The following CATSPERT variants were observed in gnomAD, a reference collection of about 807,000 sequenced individuals.
CATSPERT encodes cation channel sperm-associated targeting subunit tau.
chr2:201,588,653 A>G, the CATSPERT span, among the ~76,000 whole-genome samples: 1 of 151,136 alleles, frequency 6.6e-6, no homozygotes, highest in East Asian at 2.0e-4. Flanking sequence ...TTCAAAAACA[A>G]TGGATGTAAA....
the CATSPERT span, among the ~76,000 whole-genome samples, chr2:201,559,267 C>T: frequency 2.0e-5 from 3 of 152,200 alleles, no homozygotes; most frequent in Middle Eastern, 3.2e-3. Context: ...ATGTCCAGGA[C>T]CTGAGAAACA....
the CATSPERT span, among the ~76,000 whole-genome samples, chr2:201,608,059 T>C: frequency 9.8e-5 from 15 of 152,354 alleles, no homozygotes; most frequent in Non-Finnish European, 1.6e-4. Flanking sequence ...ATTTTACATA[T>C]GGTAAGCATT....
At chr2:201,586,067 T>C in the CATSPERT span, among the ~76,000 whole-genome samples, 1 of 152,206 alleles carries the variant, frequency 6.6e-6, no homozygotes, top group African/African-American at 2.4e-5. Context: ...ATGATCCTCT[T>C]CCACTTAATG....
chr2:201,565,972 T>G, the CATSPERT span: 3 of 1,076,668 alleles, frequency 2.8e-6, no homozygotes, highest in East Asian at 8.5e-5. Flanking sequence ...TTTACACTTT[T>G]AGCTCACCTA....
chr2:201,574,348 T>A, the CATSPERT span: 1 of 1,314,610 alleles, frequency 7.6e-7, no homozygotes, highest in Non-Finnish European at 1.0e-6. Context: ...AAAGTGATAT[T>A]TTTACCTTAC....
the CATSPERT span, chr2:201,545,525 AT>A: frequency 4.2e-6 from 6 of 1,417,108 alleles, no homozygotes; most frequent in Non-Finnish European, 5.7e-6. Flanking sequence ...TAATAAAAAA[AT>A]CAAAGTAGTT....
chr2:201,558,943 G>T, the CATSPERT span, among the ~76,000 whole-genome samples: 2 of 152,134 alleles, frequency 1.3e-5, no homozygotes, highest in African/African-American at 4.8e-5. Context: ...CTGCACAGCA[G>T]GGAAACCAAC....
At chr2:201,600,028 C>A in the CATSPERT span, among the ~76,000 whole-genome samples, 1 of 152,114 alleles carries the variant, frequency 6.6e-6, no homozygotes, top group African/African-American at 2.4e-5. Context: ...CACAGTGTGG[C>A]GATTCCTCAA....
At chr2:201,522,318 T>A in the CATSPERT span, among the ~76,000 whole-genome samples, 1 of 152,068 alleles carries the variant, frequency 6.6e-6, no homozygotes, top group Admixed American at 6.6e-5. Context: ...AAATGAAGGA[T>A]ACAATCAACA....
the CATSPERT span, chr2:201,558,116 G>T: frequency 6.6e-6 from 1 of 152,136 alleles, no homozygotes; most frequent in African/African-American, 2.4e-5. Flanking sequence ...ACTGTCTATT[G>T]CATTTGAATT....
the CATSPERT span, among the ~76,000 whole-genome samples, chr2:201,500,537 A>G: frequency 6.6e-6 from 1 of 151,800 alleles, no homozygotes; most frequent in Non-Finnish European, 1.5e-5. Context: ...AAAATAAAAA[A>G]CAAAACAAAA....
chr2:201,615,277 T>C, the CATSPERT span, among the ~76,000 whole-genome samples: 2,553 of 152,224 alleles, frequency 0.017, 67 homozygotes, highest in African/African-American at 0.053. Flanking sequence ...CACATCACAC[T>C]TATTCCAAAA....
At chr2:201,561,654 T>A in the CATSPERT span, among the ~76,000 whole-genome samples, 21 of 152,110 alleles carry the variant, frequency 1.4e-4, no homozygotes, top group African/African-American at 4.1e-4. Flanking sequence ...CGTGGATCAT[T>A]TGAGGTCAGA....
At chr2:201,580,892 G>A in the CATSPERT span, among the ~76,000 whole-genome samples, 1 of 152,134 alleles carries the variant, frequency 6.6e-6, no homozygotes, top group African/African-American at 2.4e-5. Context: ...ACCTCTAAAA[G>A]ACACATGCAC....
chr2:201,551,907 T>TAA, the CATSPERT span, among the ~76,000 whole-genome samples: 10 of 132,718 alleles, frequency 7.5e-5, no homozygotes, highest in African/African-American at 2.5e-4. Context: ...AAACTCCGTC[T>TAA]AAAAAAAAAA....
the CATSPERT span, among the ~76,000 whole-genome samples, chr2:201,514,828 C>G: frequency 6.6e-6 from 1 of 152,218 alleles, no homozygotes; most frequent in African/African-American, 2.4e-5. Flanking sequence ...TCTGCTGAAC[C>G]ATCTGTGAAC....
the CATSPERT span, among the ~76,000 whole-genome samples, chr2:201,523,805 T>C: frequency 2.0e-5 from 3 of 152,152 alleles, no homozygotes; most frequent in Non-Finnish European, 4.4e-5. Flanking sequence ...GGAGACAAAC[T>C]AATCTGGTAG....
At chr2:201,487,851 G>C in the CATSPERT span, 6 of 1,613,700 alleles carry the variant, frequency 3.7e-6, no homozygotes, top group Non-Finnish European at 5.1e-6. Flanking sequence ...ACTTTTTTAA[G>C]GTGTGTAAAT....
At chr2:201,610,101 T>G in the CATSPERT span, among the ~76,000 whole-genome samples, 2 of 152,024 alleles carry the variant, frequency 1.3e-5, no homozygotes, top group Non-Finnish European at 2.9e-5. Context: ...CAATATTGAC[T>G]TAGGAAGAAA....
Sources: allele counts gnomAD v4.1 joint callset (sites outside exome capture counted in the v4.1 genomes callset), GRCh38; gene constraint gnomAD v4.1.1; transcripts MANE v1.5; gene names NCBI Gene and HGNC (gene_info 2026-07-23, HGNC 2026-07-21).